NTM: variants seen among roughly 807,000 people sequenced by gnomAD.
The protein encoded by NTM is neurotrimin.
In NTM, 13 loss-of-function variants were observed where a neutral mutation model predicts 42.1. The observed-to-expected ratio is 0.31, with a 90% CI of 0.20 to 0.49. The LOEUF (loss-of-function observed/expected upper bound fraction) is 0.49, where lower values mean the gene tolerates loss of function less well. Among genes scored for constraint, NTM ranks in the 20% least tolerant of loss-of-function variants. The pLI is 0.99. For missense variants in NTM, 373 were observed against 452.8 expected (o/e 0.82, Z 1.60); for synonymous variants, 187 against 179.2 (o/e 1.04, Z -0.35).
chr11:131,565,058 C>T (rs185000409), intron 1 of NTM, among the ~76,000 whole-genome samples: 6 of 152,344 alleles, frequency 3.9e-5, no homozygotes, highest in Non-Finnish European at 7.3e-5. Context: ...CAGATGCTTG[C>T]GGTACCTCCC....
At chr11:131,992,446 C>G (rs1489531136) in intron 2 of NTM, among the ~76,000 whole-genome samples, 1 of 151,676 alleles carries the variant, frequency 6.6e-6, no homozygotes, top group African/African-American at 2.4e-5. Flanking sequence ...TCCTCACCCC[C>G]ACATTGTTCG....
At chr11:131,781,394 GTTGAATAAACA>G (rs2088095183) in intron 1 of NTM, among the ~76,000 whole-genome samples, 1 of 151,564 alleles carries the variant, frequency 6.6e-6, no homozygotes, top group African/African-American at 2.4e-5. Flanking sequence ...TGTTTCCTCA[GTTGAATAAACA>G]TTTTAATTTA....
chr11:132,317,110 A>G (rs1353523025), intron 7 of NTM, among the ~76,000 whole-genome samples: 2 of 152,084 alleles, frequency 1.3e-5, no homozygotes, highest in Non-Finnish European at 2.9e-5. Flanking sequence ...ACTTAAGCCA[A>G]ACGGGAGCAG....
intron 1 of NTM, among the ~76,000 whole-genome samples, chr11:131,513,919 T>C (rs751315584): frequency 2.6e-5 from 4 of 152,070 alleles, no homozygotes; most frequent in Non-Finnish European, 5.9e-5. Context: ...GAAGCAAATG[T>C]CCCTTCCCAG....
intron 3 of NTM, among the ~76,000 whole-genome samples, chr11:132,209,887 A>G (rs1332834169): frequency 6.6e-6 from 1 of 152,204 alleles, no homozygotes; most frequent in Admixed American, 6.5e-5. Context: ...GAGCATTTCA[A>G]TTGGGTGGAT....
chr11:132,110,593 T>C (rs1473912302), intron 2 of NTM, among the ~76,000 whole-genome samples: 1 of 152,232 alleles, frequency 6.6e-6, no homozygotes, highest in Non-Finnish European at 1.5e-5. Context: ...AAAAGATAAC[T>C]TAGAGACAAG....
chr11:131,890,767 C>G (rs574781764), intron 1 of NTM, among the ~76,000 whole-genome samples: 2 of 152,250 alleles, frequency 1.3e-5, no homozygotes, highest in East Asian at 3.9e-4. Context: ...TGGTGCCACC[C>G]GGACGCATGC....
intron 1 of NTM, among the ~76,000 whole-genome samples, chr11:131,829,610 A>G (rs187904568): frequency 3.9e-5 from 6 of 152,230 alleles, no homozygotes; most frequent in East Asian, 1.9e-4. Flanking sequence ...TGTTGATCCT[A>G]TGTCTTTGCT....
intron 4 of NTM, among the ~76,000 whole-genome samples, chr11:132,238,728 A>G (rs2089599010): frequency 6.6e-6 from 1 of 152,196 alleles, no homozygotes; most frequent in Non-Finnish European, 1.5e-5. Context: ...AAGTTTCTGC[A>G]TAAAGCCTCC....
chr11:132,192,257 G>T (rs1201243203), intron 3 of NTM, among the ~76,000 whole-genome samples: 1 of 152,106 alleles, frequency 6.6e-6, no homozygotes, highest in African/African-American at 2.4e-5. Flanking sequence ...ATTAAAGGAA[G>T]CTAGAGAGAA....
intron 4 of NTM, among the ~76,000 whole-genome samples, chr11:132,260,686 G>T (rs967675354): frequency 6.6e-6 from 1 of 152,124 alleles, no homozygotes; most frequent in African/African-American, 2.4e-5. Context: ...TCACAATCTG[G>T]CCAAACTGGC....
At chr11:131,943,658 C>T (rs1268363647) in intron 2 of NTM, among the ~76,000 whole-genome samples, 1 of 152,190 alleles carries the variant, frequency 6.6e-6, no homozygotes, top group Non-Finnish European at 1.5e-5. Context: ...ATCACTTTTC[C>T]CAGCTAGTTG....
At chr11:131,633,409 C>A (rs1266437426) in intron 1 of NTM, among the ~76,000 whole-genome samples, 1 of 152,146 alleles carries the variant, frequency 6.6e-6, no homozygotes, top group Non-Finnish European at 1.5e-5. Flanking sequence ...GATTCAGTCT[C>A]CAATCTCTGA....
intron 1 of NTM, among the ~76,000 whole-genome samples, chr11:131,505,443 C>T (rs2047366607): frequency 6.6e-6 from 1 of 152,188 alleles, no homozygotes; most frequent in African/African-American, 2.4e-5. Flanking sequence ...ATCTCAGTCT[C>T]CATCACCAAG....
intron 1 of NTM, among the ~76,000 whole-genome samples, chr11:131,708,573 A>G (rs747652490): frequency 2.0e-5 from 3 of 152,204 alleles, no homozygotes; most frequent in Non-Finnish European, 2.9e-5. Flanking sequence ...TTTGTAAAAG[A>G]CTTTATTGTA....
At chr11:131,911,395 G>A in intron 1 of NTM, 169 bp from the exon 2 acceptor site, 1 of 1,588,412 alleles carries the variant, frequency 6.3e-7, no homozygotes, top group Non-Finnish European at 8.6e-7. Flanking sequence ...CCCCGCGCTC[G>A]CTCCGCACCC....
chr11:131,605,795 C>T, intron 1 of NTM: 1 of 984,988 alleles, frequency 1.0e-6, no homozygotes. Flanking sequence ...TTGAAGTCAG[C>T]TTCAACAGTT....
In NTM at chr11:132,086,063, G is replaced by A. The variant is rs560401354; in HGVS notation, c.168-60219G>A. ...GACAAGGCAGGGCACGGTGGCTCACGCCTGTAATCCCAGCACTTTGGGAGG... is the reference window on the plus strand; with the variant it reads ...GACAAGGCAGGGCACGGTGGCTCACACCTGTAATCCCAGCACTTTGGGAGG... On this transcript the variant is annotated intron_variant, in intron 2 of 8. Coordinates refer to ENST00000683400, the MANE Select transcript of NTM (RefSeq NM_001352005.2). Among the ~76,000 whole-genome samples the A allele has an allele frequency of 1.1e-4, 17 of 152,024 alleles. No homozygotes were observed. In the South Asian group the frequency reaches 1.2e-3, roughly 11 times the overall value.
At chr11:131,893,805 C>T (rs139718020) in intron 1 of NTM, among the ~76,000 whole-genome samples, 219 of 152,258 alleles carry the variant, frequency 1.4e-3, no homozygotes, top group Non-Finnish European at 2.8e-3. Flanking sequence ...CCATCATGCT[C>T]GGCATGTGAG....
Sources: gnomAD v4.1 joint callset for allele counts (sites outside exome capture counted in the v4.1 genomes callset) on GRCh38, gnomAD v4.1.1 for gene constraint, MANE v1.5 for transcripts, NCBI Gene and HGNC (gene_info 2026-07-23, HGNC 2026-07-21) for gene names.